The following SYK variants were observed in gnomAD, a reference collection of about 807,000 sequenced individuals.
The protein encoded by SYK is spleen associated tyrosine kinase, also known as tyrosine-protein kinase SYK.
Under a neutral mutation model 77.8 loss-of-function variants are expected in SYK, and 16 were observed. The observed-to-expected ratio is 0.21, with a 90% CI of 0.14 to 0.31. The LOEUF (loss-of-function observed/expected upper bound fraction) is 0.31, where lower values mean the gene tolerates loss of function less well. Among genes scored for constraint, SYK ranks in the 10% least tolerant of loss-of-function variants. The pLI is 1.00. For synonymous variants in SYK, 312 were observed against 308.7 expected, an observed-to-expected ratio of 1.01 and a Z score of -0.11; for missense variants, 529 against 814.4, an observed-to-expected ratio of 0.65 and a Z score of 4.26.
At position 90,835,137 on chromosome 9, in the gene SYK, T is replaced by G. The variant is rs144725697; in HGVS notation, c.-41-8721T>G. Among the ~76,000 whole-genome samples the G allele has an allele frequency of 5.9e-3, 898 of 152,210 alleles. 12 individuals carry two copies. The highest frequency in any genetic ancestry group is 9.3e-3 in the Non-Finnish European group (631 of 68,000). On this transcript the variant is annotated intron_variant, in intron 1 of 13. Coordinates refer to ENST00000375754, the MANE Select transcript of SYK (RefSeq NM_003177.7). ...AAATGTCAAGAGTGCCAAGGTTGAGTAACCCCGAGCTAATGTGATGAATGG... is the reference window on the plus strand; with the variant it reads ...AAATGTCAAGAGTGCCAAGGTTGAGGAACCCCGAGCTAATGTGATGAATGG...
At position 90,830,188 on chromosome 9, in the gene SYK, A is replaced by G. The variant is rs149993800; in HGVS notation, c.-41-13670A>G. 8.5e-5 allele frequency among the ~76,000 whole-genome samples: 13 copies of G among 152,348 alleles called. No individual in the cohort carries two copies. In the East Asian group the frequency reaches 2.1e-3, roughly 25 times the overall value. On this transcript the variant is annotated intron_variant, in intron 1 of 13. Coordinates refer to ENST00000375754, the MANE Select transcript of SYK (RefSeq NM_003177.7). ...TCAACCGCTCAGCAGAATGTGCACA[A>G]TGTAAGGCTGTGCCTTGGAGACCAG...
intron 1 of SYK, among the ~76,000 whole-genome samples, chr9:90,831,378 A>G (rs1587832417): frequency 6.6e-6 from 1 of 152,256 alleles, no homozygotes; most frequent in Non-Finnish European, 1.5e-5. Flanking sequence ...AAAGGGATAC[A>G]GAGACATAGG....
At chr9:90,846,477 A>G (rs1190251518) in intron 3 of SYK, among the ~76,000 whole-genome samples, 1 of 152,162 alleles carries the variant, frequency 6.6e-6, no homozygotes, top group Non-Finnish European at 1.5e-5. Flanking sequence ...ATTCAAAGGA[A>G]TTTCCTCAGA....
intron 7 of SYK, among the ~76,000 whole-genome samples, chr9:90,872,506 G>A (rs776534951): frequency 1.2e-3 from 177 of 152,306 alleles, no homozygotes; most frequent in Middle Eastern, 3.4e-3. Flanking sequence ...CAAAAGAGGA[G>A]GACAGAAAGC....
chr9:90,888,006 A>G, intron 12 of SYK, 117 bp downstream of exon 12: 1 of 1,349,100 alleles, frequency 7.4e-7, no homozygotes, highest in Non-Finnish European at 9.9e-7. Flanking sequence ...TTTTACCAGT[A>G]AGCAGTTAAT....
Position 90,884,875 on chromosome 9 carries a change from A to ACATATGTGTG in SYK, c.1582-2874_1582-2873insCATATGTGTG, listed in dbSNP as rs1340765784. ...CATATGTGTGTATATACATATATACATATATACATATATATACATATGCAC... is the reference window on the plus strand; with the variant it reads ...CATATGTGTGTATATACATATATACACATATGTGTGTATATACATATATATACATATGCAC... On this transcript the variant is annotated intron_variant, in intron 11 of 13. Coordinates refer to ENST00000375754, the MANE Select transcript of SYK (RefSeq NM_003177.7). Among the ~76,000 whole-genome samples the ACATATGTGTG allele has an allele frequency of 9.3e-3, 167 of 17,980 alleles. 48 individuals are homozygous for ACATATGTGTG. Among genetic ancestry groups the ACATATGTGTG allele is most frequent in the African/African-American group, 0.056 (127 of 2,260 alleles). The allele number at this position is 17,980 out of a possible 152,430, so 11.8% of individuals were successfully genotyped here.
At chr9:90,832,003 C>T (rs2118518726) in intron 1 of SYK, among the ~76,000 whole-genome samples, 1 of 152,184 alleles carries the variant, frequency 6.6e-6, no homozygotes, top group East Asian at 1.9e-4. Flanking sequence ...GTGCTGTTGA[C>T]CATGAGTTCA....
At chr9:90,865,000 G>A (rs887683370) in intron 5 of SYK, 48 bp from the exon 6 acceptor site, 2 of 1,582,896 alleles carry the variant, frequency 1.3e-6, no homozygotes, top group African/African-American at 2.7e-5. Context: ...GGGGAAGGAA[G>A]TGGTTTCCTC....
chr9:90,855,785 C>T (rs1564097925), intron 3 of SYK, among the ~76,000 whole-genome samples: 1 of 151,634 alleles, frequency 6.6e-6, no homozygotes, highest in East Asian at 1.9e-4. Flanking sequence ...CGTTCCATCC[C>T]CTGAGTTTTT....
At chr9:90,844,645 A>G (rs149593800) in intron 2 of SYK, among the ~76,000 whole-genome samples, 4 of 152,358 alleles carry the variant, frequency 2.6e-5, no homozygotes, top group South Asian at 4.1e-4. Context: ...AGGTCCTACC[A>G]TACACACTGA....
At chr9:90,828,989 T>TA (rs1306326974) in intron 1 of SYK, among the ~76,000 whole-genome samples, 2 of 152,036 alleles carry the variant, frequency 1.3e-5, no homozygotes, top group Admixed American at 1.3e-4. Context: ...TTAGAGTGCT[T>TA]AAAAATCACC....
At chr9:90,869,996 T>A (rs905546929) in intron 7 of SYK, among the ~76,000 whole-genome samples, 1 of 152,128 alleles carries the variant, frequency 6.6e-6, no homozygotes, top group African/African-American at 2.4e-5. Flanking sequence ...TAATCCCAGC[T>A]ACTCAGGAGG....
At chr9:90,866,818 G>A (rs1052500686) in intron 6 of SYK, among the ~76,000 whole-genome samples, 4 of 152,296 alleles carry the variant, frequency 2.6e-5, no homozygotes, top group East Asian at 1.9e-4. Context: ...AGTTTCTTTC[G>A]GTGGTTTGTC....
intron 9 of SYK, among the ~76,000 whole-genome samples, chr9:90,875,560 A>C (rs563825342): frequency 6.6e-6 from 1 of 152,230 alleles, no homozygotes; most frequent in Non-Finnish European, 1.5e-5. Flanking sequence ...TAATTAAAAC[A>C]AAATCATTCC....
intron 3 of SYK, among the ~76,000 whole-genome samples, chr9:90,850,770 T>TAA (rs556936977): frequency 0.19 from 24,818 of 129,300 alleles, 2,317 homozygotes; most frequent in Middle Eastern, 0.27. Flanking sequence ...GACTAAAAGG[T>TAA]AAAAAAAAAA....
At chr9:90,875,911 A>AT in intron 9 of SYK, among the ~76,000 whole-genome samples, 1 of 151,220 alleles carries the variant, frequency 6.6e-6, no homozygotes, top group East Asian at 1.9e-4. Context: ...AATGTAAGGG[A>AT]TTTTTGTAAA....
intron 1 of SYK, among the ~76,000 whole-genome samples, chr9:90,841,620 T>C (rs1379132832): frequency 6.6e-6 from 1 of 150,882 alleles, no homozygotes; most frequent in Non-Finnish European, 1.5e-5. Flanking sequence ...GTGTTTTGTG[T>C]GTGTAGTGTG....
chr9:90,812,249 GATA>G (rs1825110080), intron 1 of SYK, among the ~76,000 whole-genome samples: 1 of 152,176 alleles, frequency 6.6e-6, no homozygotes, highest in African/African-American at 2.4e-5. Flanking sequence ...TTAGAAAAAT[GATA>G]ATAATAAGGT....
chr9:90,871,334 A>G (rs1827719264), intron 7 of SYK, among the ~76,000 whole-genome samples: 1 of 152,254 alleles, frequency 6.6e-6, no homozygotes, highest in Non-Finnish European at 1.5e-5. Flanking sequence ...AACAGATGAC[A>G]CTTATTGATT....
Sources: allele counts gnomAD v4.1 joint callset (sites outside exome capture counted in the v4.1 genomes callset), GRCh38; gene constraint gnomAD v4.1.1; transcripts MANE v1.5; gene names NCBI Gene and HGNC (gene_info 2026-07-23, HGNC 2026-07-21).